Variants in NHSL1 observed in about 807,000 individuals in gnomAD.
NHSL1 encodes NHS-like protein 1.
NHSL1 carries 48 observed loss-of-function variants against 95.0 expected under a neutral mutation model. The ratio of observed to expected loss-of-function variants is 0.51; its 90% CI spans 0.40 to 0.64. The LOEUF (loss-of-function observed/expected upper bound fraction) is 0.64, where lower values mean the gene tolerates loss of function less well. Ranked by LOEUF, NHSL1 falls within the 30% of genes least tolerant of loss-of-function variation. NHSL1 has a pLI of 0.00. For synonymous variants in NHSL1, 783 were observed against 833.9 expected (o/e 0.94, Z 1.05); for missense variants, 1,971 against 2,077.7 (o/e 0.95, Z 1.00).
Position 138,424,030 on chromosome 6 carries a change from C to G in NHSL1, c.*51G>C. 1 of 1,337,034 alleles carries G rather than the reference C, an allele frequency of 7.5e-7. No individual in the cohort carries two copies. The highest frequency in any genetic ancestry group is 1.5e-5 in the African/African-American group (1 of 67,902). The allele number at this position is 1,337,034 out of a possible 1,614,324, so 82.8% of individuals were successfully genotyped here. On this transcript the variant is annotated 3_prime_UTR_variant, in exon 8 of 8. Transcript: ENST00000343505. The surrounding 1 kb of genome is among the most constrained non-coding windows in gnomAD (Gnocchi z 5.9). ...GGCGCCTAGCAGGCTTCCTAGAGTG[C>G]TGCATTGCTCGTCTCCCCCCGTGTC...
chr6:138,501,790 C>G (rs1040678790), upstream of NHSL1, among the ~76,000 whole-genome samples: 1 of 152,290 alleles, frequency 6.6e-6, no homozygotes, highest in Non-Finnish European at 1.5e-5. Context: ...ATGCTCCAGT[C>G]CCTGATATAA....
At chr6:138,501,178 A>G (rs1780654100), upstream of NHSL1, among the ~76,000 whole-genome samples, 1 of 152,174 alleles carries the variant, frequency 6.6e-6, no homozygotes, top group African/African-American at 2.4e-5. Flanking sequence ...ATTATGCTCA[A>G]CCCTCCATAG....
intron 1 of NHSL1, among the ~76,000 whole-genome samples, chr6:138,604,123 A>G (rs1469174903): frequency 6.6e-6 from 1 of 152,330 alleles, no homozygotes; most frequent in Non-Finnish European, 1.5e-5. Context: ...GCTAACATGG[A>G]TCAACTTAAG....
At chr6:138,674,866 A>C (rs1785428630) in intron 1 of NHSL1, among the ~76,000 whole-genome samples, 1 of 152,086 alleles carries the variant, frequency 6.6e-6, no homozygotes, top group African/African-American at 2.4e-5. Flanking sequence ...AGACTGATAA[A>C]ACTTCTGGCC....
intron 1 of NHSL1, among the ~76,000 whole-genome samples, chr6:138,518,459 G>C (rs79090793): frequency 0.011 from 1,522 of 138,952 alleles, 10 homozygotes; most frequent in Non-Finnish European, 0.016. Flanking sequence ...AGTGAGGGTA[G>C]AACGTCCACA....
intron 1 of NHSL1, among the ~76,000 whole-genome samples, chr6:138,610,025 G>T (rs1784487607): frequency 6.6e-6 from 1 of 152,054 alleles, no homozygotes; most frequent in South Asian, 2.1e-4. Context: ...GGGTTTACAG[G>T]AAATTCTCAC....
intron 1 of NHSL1, among the ~76,000 whole-genome samples, chr6:138,511,741 G>C (rs1781240348): frequency 6.6e-6 from 1 of 152,148 alleles, no homozygotes; most frequent in Non-Finnish European, 1.5e-5. Flanking sequence ...TTCAAGACCA[G>C]CCTGGGCAAC....
chr6:138,553,305 T>C (rs1219594804), intron 1 of NHSL1, among the ~76,000 whole-genome samples: 1 of 152,198 alleles, frequency 6.6e-6, no homozygotes, highest in East Asian at 1.9e-4. Context: ...AATGCAGCCC[T>C]TACCCCCATA....
chr6:138,669,608 A>G (rs765503704), intron 1 of NHSL1, among the ~76,000 whole-genome samples: 2 of 152,216 alleles, frequency 1.3e-5, no homozygotes, highest in African/African-American at 2.4e-5. Flanking sequence ...ACTGGATGTT[A>G]AAGGGTTAAA....
chr6:138,671,835 GGCTCT>G (rs944703670), intron 1 of NHSL1, among the ~76,000 whole-genome samples: 1 of 152,176 alleles, frequency 6.6e-6, no homozygotes, highest in Admixed American at 6.5e-5. Context: ...TTGATGATGT[GGCTCT>G]GCTCGAATGG....
chr6:138,604,815 G>T (rs964656683), intron 1 of NHSL1, among the ~76,000 whole-genome samples: 8 of 151,776 alleles, frequency 5.3e-5, no homozygotes, highest in Non-Finnish European at 1.0e-4. Flanking sequence ...TAGTAGAGAC[G>T]GGGTTTCACC....
intron 1 of NHSL1, among the ~76,000 whole-genome samples, chr6:138,662,093 A>G (rs1444193776): frequency 6.6e-6 from 1 of 151,980 alleles, no homozygotes; most frequent in Admixed American, 6.6e-5. Context: ...TAATAACAAT[A>G]ATAATAATTT....
intron 1 of NHSL1, among the ~76,000 whole-genome samples, chr6:138,663,396 A>C (rs1486198769): frequency 6.6e-6 from 1 of 151,790 alleles, no homozygotes; most frequent in African/African-American, 2.4e-5. Context: ...CCCTGTCTCT[A>C]CTAAAAACAC....
chr6:138,513,107 T>G lies in NHSL1; in HGVS notation c.17-16736A>C, dbSNP rs1013493191. Among the ~76,000 whole-genome samples, 6 of 152,298 alleles carry G rather than the reference T, an allele frequency of 3.9e-5. No individual in the cohort carries two copies. In the East Asian group the frequency reaches 7.7e-4, roughly 20 times the overall value. On this transcript the variant is annotated intron_variant, in intron 1 of 4. Transcript: ENST00000342260. ...AAGCTCCTGGAGGGCCAGAGCCAAC[T>G]CCATGCCCTTCACTTTGCACAGTGC... is the stretch of plus-strand genomic sequence containing the variant.
chr6:138,556,722 C>T (rs1055656792), intron 1 of NHSL1, among the ~76,000 whole-genome samples: 2 of 151,624 alleles, frequency 1.3e-5, no homozygotes, highest in Non-Finnish European at 2.9e-5. Flanking sequence ...TATATCATTC[C>T]CATTCGCATT....
At chr6:138,589,877 C>A (rs144468272) in intron 1 of NHSL1, among the ~76,000 whole-genome samples, 1 of 152,208 alleles carries the variant, frequency 6.6e-6, no homozygotes, top group Admixed American at 6.5e-5. Flanking sequence ...ACCTTGGCAT[C>A]CACACTGATC....
In NHSL1 at chr6:138,661,823, T is replaced by G. The variant is rs148130620; in HGVS notation, c.96+30653A>C. ...GGCTCATGCCTATTATCCCAGCACTTTGAGAGGCTGAGGTGGGAAGACTGC... is the reference window on the plus strand; with the variant it reads ...GGCTCATGCCTATTATCCCAGCACTGTGAGAGGCTGAGGTGGGAAGACTGC... On this transcript the variant is annotated intron_variant, in intron 1 of 3. Transcript: ENST00000491526. Among the ~76,000 whole-genome samples, 375 of 152,194 alleles carry G rather than the reference T, an allele frequency of 2.5e-3. 1 individual carries two copies. Among genetic ancestry groups the G allele is most frequent in the African/African-American group, 8.3e-3 (345 of 41,532 alleles).
At chr6:138,464,104 T>C in intron 3 of NHSL1, 1 of 493,994 alleles carries the variant, frequency 2.0e-6, no homozygotes, top group South Asian at 2.7e-5. Flanking sequence ...AGGTCAGGTG[T>C]TCAGCTATCC....
chr6:138,495,355 C>T (rs999382223), intron 2 of NHSL1, among the ~76,000 whole-genome samples: 3 of 152,188 alleles, frequency 2.0e-5, no homozygotes, highest in Non-Finnish European at 4.4e-5. Flanking sequence ...TGCTCATCTG[C>T]TGGCAGAACC....
Sources: allele counts gnomAD v4.1 joint callset (sites outside exome capture counted in the v4.1 genomes callset), GRCh38; gene constraint gnomAD v4.1.1; non-coding constraint Gnocchi (gnomAD v3.1); transcripts MANE v1.5; gene names NCBI Gene and HGNC (gene_info 2026-07-23, HGNC 2026-07-21).